Variants in RANBP2 observed in about 807,000 individuals in gnomAD.
The protein encoded by RANBP2 is E3 SUMO-protein ligase RanBP2.
A neutral mutation model predicts 303.6 loss-of-function variants in RANBP2; 57 were observed. That is an observed-to-expected ratio of 0.19 (90% CI 0.15 to 0.23). RANBP2 has a LOEUF of 0.23. Ranked by LOEUF, RANBP2 falls within the 10% of genes least tolerant of loss-of-function variation. The pLI is 1.00. For missense variants in RANBP2, 3,138 were observed against 3,780.8 expected, an observed-to-expected ratio of 0.83 and a Z score of 4.46; for synonymous variants, 1,167 against 1,301.5, an observed-to-expected ratio of 0.90 and a Z score of 2.23.
the RANBP2 span, chr2:109,613,888 G>C: frequency 2.4e-6 from 3 of 1,229,602 alleles, no homozygotes; most frequent in Non-Finnish European, 3.0e-6. Context: ...GGCTGGTCCC[G>C]GCGACGGCGG....
the RANBP2 span, among the ~76,000 whole-genome samples, chr2:109,054,065 G>T: frequency 1.8e-4 from 27 of 152,290 alleles, no homozygotes; most frequent in African/African-American, 6.3e-4. Flanking sequence ...TCTGCAAGGC[G>T]TGTTCATGGT....
chr2:109,396,930 C>G, the RANBP2 span, among the ~76,000 whole-genome samples: 3 of 152,266 alleles, frequency 2.0e-5, no homozygotes, highest in African/African-American at 7.2e-5. Context: ...CTCTCCTCTT[C>G]CTTTCTGAAT....
the RANBP2 span, among the ~76,000 whole-genome samples, chr2:109,146,895 C>T: frequency 2.0e-5 from 2 of 100,752 alleles, no homozygotes; most frequent in Middle Eastern, 4.5e-3. Flanking sequence ...TCCCCCCCCC[C>T]CCCCCCGCCC....
chr2:109,104,292 C>A, the RANBP2 span, among the ~76,000 whole-genome samples: 2 of 152,078 alleles, frequency 1.3e-5, no homozygotes, highest in Non-Finnish European at 1.5e-5. Context: ...GTCTTAGGAT[C>A]TCTAGTTTAA....
chr2:109,732,833 C>T, the RANBP2 span: 1 of 1,296,584 alleles, frequency 7.7e-7, no homozygotes. Flanking sequence ...TAGAAACCCT[C>T]CTGGCTTTGC....
chr2:109,496,669 C>A, the RANBP2 span, among the ~76,000 whole-genome samples: 1 of 152,178 alleles, frequency 6.6e-6, no homozygotes, highest in Non-Finnish European at 1.5e-5. Flanking sequence ...GTTAGGATTT[C>A]AGCGTTCCTT....
chr2:109,050,416 G>A, the RANBP2 span, among the ~76,000 whole-genome samples: 2 of 135,034 alleles, frequency 1.5e-5, no homozygotes, highest in African/African-American at 5.2e-5. Flanking sequence ...ACCACACCAG[G>A]CGAATTTTTT....
At chr2:109,644,771 G>A in the RANBP2 span, among the ~76,000 whole-genome samples, 1 of 152,130 alleles carries the variant, frequency 6.6e-6, no homozygotes, top group African/African-American at 2.4e-5. Flanking sequence ...TTTTCTTAGC[G>A]GAGCTGTCAT....
chr2:108,791,249 TG>T, the RANBP2 span, among the ~76,000 whole-genome samples: 1 of 152,334 alleles, frequency 6.6e-6, no homozygotes, highest in South Asian at 2.1e-4. Flanking sequence ...ATTGTCTTTT[TG>T]GAGACAACAC....
the RANBP2 span, among the ~76,000 whole-genome samples, chr2:109,514,873 G>C: frequency 7.2e-5 from 11 of 152,060 alleles, no homozygotes; most frequent in Non-Finnish European, 1.5e-4. Flanking sequence ...TCCTTTCCCT[G>C]GTCAGGTGGT....
chr2:108,794,558 C>T, the RANBP2 span: 3 of 1,609,540 alleles, frequency 1.9e-6, no homozygotes, highest in Non-Finnish European at 1.7e-6. Context: ...CCAACTAATA[C>T]GACCTCATCG....
At chr2:108,735,428 C>T in intron 4 of RANBP2, 104 bp from the exon 5 acceptor site, 1 of 1,592,880 alleles carries the variant, frequency 6.3e-7, no homozygotes, top group Non-Finnish European at 8.5e-7. Flanking sequence ...TTGGTGGCAT[C>T]ATCATAAAAC....
chr2:108,812,942 T>C, the RANBP2 span: 2 of 1,609,574 alleles, frequency 1.2e-6, no homozygotes, highest in Admixed American at 1.7e-5. Context: ...GTTTGAATTA[T>C]GATTTGATAT....
intron 12 of RANBP2, 42 bp from the exon 13 acceptor site, chr2:108,752,956 G>A (rs1213714354): frequency 1.2e-6 from 2 of 1,605,528 alleles, no homozygotes; most frequent in African/African-American, 2.7e-5. Flanking sequence ...ATCTAATCAT[G>A]CGTGTTCCTT....
chr2:109,578,791 T>C, the RANBP2 span, among the ~76,000 whole-genome samples: 3 of 151,886 alleles, frequency 2.0e-5, no homozygotes, highest in African/African-American at 7.3e-5. Flanking sequence ...AAAAGAAATT[T>C]ACTGAAATTG....
the RANBP2 span, among the ~76,000 whole-genome samples, chr2:109,381,121 A>G: frequency 6.6e-6 from 1 of 152,300 alleles, no homozygotes; most frequent in South Asian, 2.1e-4. Flanking sequence ...CCTGGTCTGG[A>G]TGCGACGATG....
the RANBP2 span, among the ~76,000 whole-genome samples, chr2:108,861,829 G>T: frequency 6.6e-6 from 1 of 151,948 alleles, no homozygotes; most frequent in South Asian, 2.1e-4. Context: ...GAGCCACCGC[G>T]CCCAGCCTAA....
the RANBP2 span, among the ~76,000 whole-genome samples, chr2:109,458,572 C>CAGAGAGAGAGAGAGAGAGAGAG: frequency 0.021 from 2,640 of 122,932 alleles, 318 homozygotes; most frequent in Middle Eastern, 0.033. Flanking sequence ...CAGCAGGAGA[C>CAGAGAGAGAGAGAGAGAGAGAG]AGAGAGAGAG....
At chr2:109,240,884 C>T in the RANBP2 span, among the ~76,000 whole-genome samples, 1 of 144,386 alleles carries the variant, frequency 6.9e-6, no homozygotes, top group Non-Finnish European at 1.5e-5. Flanking sequence ...TTCCATCTCT[C>T]TCTCTCTGTC....
Sources: gnomAD v4.1 joint callset for allele counts (sites outside exome capture counted in the v4.1 genomes callset) on GRCh38, gnomAD v4.1.1 for gene constraint, MANE v1.5 for transcripts, NCBI Gene and HGNC (gene_info 2026-07-23, HGNC 2026-07-21) for gene names.